The following USP8 variants were observed in gnomAD, a reference collection of about 807,000 sequenced individuals.
USP8 encodes ubiquitin specific peptidase 8.
In USP8, 27 loss-of-function variants were observed where a neutral mutation model predicts 130.0. The observed-to-expected ratio is 0.21, with a 90% CI of 0.15 to 0.29. USP8 has a LOEUF of 0.29. Among genes scored for constraint, USP8 ranks in the 10% least tolerant of loss-of-function variants. USP8 has a pLI of 1.00. For missense variants in USP8, 1,029 were observed against 1,312.2 expected (o/e 0.78, Z 3.33); for synonymous variants, 392 against 444.1 (o/e 0.88, Z 1.48).
At chr15:50,434,951 T>C (rs188363323) in intron 1 of USP8, among the ~76,000 whole-genome samples, 2 of 152,332 alleles carry the variant, frequency 1.3e-5, no homozygotes, top group East Asian at 3.9e-4. Flanking sequence ...TTGTATCTTA[T>C]GGTTTGTCCT....
At chr15:50,494,522 C>T (rs1013320266) in intron 16 of USP8, among the ~76,000 whole-genome samples, 6 of 152,070 alleles carry the variant, frequency 3.9e-5, no homozygotes, top group African/African-American at 1.4e-4. Context: ...TAGTTATTGG[C>T]GTTTGTGACC....
At chr15:50,431,165 C>CTGTGTGTGTGTGTG (rs56771450) in intron 1 of USP8, among the ~76,000 whole-genome samples, 7,461 of 140,874 alleles carry the variant, frequency 0.053, 471 homozygotes, top group African/African-American at 0.15. Context: ...GTGTGTGCCT[C>CTGTGTGTGTGTGTG]TGTGTGTGTG....
intron 12 of USP8, among the ~76,000 whole-genome samples, chr15:50,486,013 G>A (rs530498198): frequency 6.6e-6 from 1 of 151,884 alleles, no homozygotes; most frequent in Non-Finnish European, 1.5e-5. Flanking sequence ...TTCAATCTGT[G>A]GATGGTTGAA....
chr15:50,450,607 T>A (rs377586276), intron 4 of USP8, among the ~76,000 whole-genome samples: 12 of 151,890 alleles, frequency 7.9e-5, no homozygotes, highest in East Asian at 7.8e-4. Context: ...GAGTAGCTGG[T>A]ATTACAGGCA....
At position 50,489,840 on chromosome 15, in the gene USP8, A is replaced by G; in HGVS notation, c.1930A>G (p.Met644Val). 6.3e-7 allele frequency: 1 copy of G among 1,578,668 alleles called. No homozygotes were observed. Among genetic ancestry groups the G allele is most frequent in the Non-Finnish European group, 8.6e-7 (1 of 1,162,644 alleles). ...TTTGACAAGAGCACGAAGTGAAGAA[A>G]TGGGGAGGATCGTACCAGGACTGCC... ...EPLTRARSEE[M>V]GRIVPGLPSG... Residue 644 changes from methionine (M) to valine (V), a missense_variant, in exon 13 of 20, where the codon ATG becomes GTG. Met to Val is a conservative substitution (Grantham distance 21, BLOSUM62 1). Around this residue, in one of 4 missense-constraint regions of USP8, gnomAD observed 486 missense variants for 522.0 expected, o/e 0.93. Transcript: ENST00000307179.
At chr15:50,497,634 C>T (rs2052469257) in intron 18 of USP8, 2 of 152,408 alleles carry the variant, frequency 1.3e-5, no homozygotes, top group Admixed American at 6.6e-5. Context: ...AATATGTTAA[C>T]GATACCATTA....
In USP8 at chr15:50,481,761, A is replaced by T; in HGVS notation, c.1499A>T (p.Glu500Val). Residue 500 changes from glutamate to valine, a missense_variant, in exon 11 of 20, where the codon GAA (glutamate) becomes GTA (valine). Transcript: ENST00000307179. ...GAGAAACTGAGGAAGGAAGAACAAG[A>T]ACAAAAAGCCAAAAAGAAACAAGAA... Reference protein sequence around the residue: ...QKEKLRKEEQEQKAKKKQEAE... With the variant: ...QKEKLRKEEQVQKAKKKQEAE... 6.3e-7 allele frequency: 1 copy of T among 1,582,618 alleles called. No homozygotes were observed. Among genetic ancestry groups the T allele is most frequent in the Non-Finnish European group, 8.6e-7 (1 of 1,166,894 alleles).
chr15:50,450,462 C>CTTTTTTTTTTTTTTTTTTT lies in USP8; in HGVS notation c.335+983_335+1001dup, dbSNP rs35800074. Among the ~76,000 whole-genome samples, 8 of 80,456 alleles carry CTTTTTTTTTTTTTTTTTTT rather than the reference C, an allele frequency of 9.9e-5. No homozygotes were observed. In the East Asian group the frequency reaches 1.1e-3, roughly 12 times the overall value. 52.8% of individuals were successfully genotyped at this position (80,456 alleles called of 152,430 possible). A position where few individuals can be genotyped will look rare whatever the true frequency, so the allele number is the denominator to read the frequency against. On this transcript the variant is annotated intron_variant, in intron 4 of 19. Coordinates refer to ENST00000307179, the MANE Select transcript of USP8 (RefSeq NM_005154.5). Reference sequence around the variant, plus strand: ...TTTCAGTTTTTAGTCGTTAGTCATTCTTTTTTTTTTTTTTTTTTTTTTTTG... The same window carrying CTTTTTTTTTTTTTTTTTTT: ...TTTCAGTTTTTAGTCGTTAGTCATTCTTTTTTTTTTTTTTTTTTTTTTTTTTTTTTTTTTTTTTTTTTTG...
At chr15:50,484,874 A>G (rs2051900292) in intron 12 of USP8, among the ~76,000 whole-genome samples, 1 of 152,252 alleles carries the variant, frequency 6.6e-6, no homozygotes, top group African/African-American at 2.4e-5. Context: ...GCTAAGTGAA[A>G]TAAGCCAGTT....
At chr15:50,431,008 C>G (rs1010186948) in intron 1 of USP8, among the ~76,000 whole-genome samples, 6 of 152,198 alleles carry the variant, frequency 3.9e-5, no homozygotes, top group African/African-American at 1.4e-4. Flanking sequence ...TTGCACAGAG[C>G]AGCCTCTCAC....
chr15:50,506,739 C>T lies in USP8; in HGVS notation c.*7651C>T, dbSNP rs1202479857. On this transcript the variant is annotated 3_prime_UTR_variant, in exon 20 of 20. Coordinates refer to ENST00000307179, the MANE Select transcript of USP8 (RefSeq NM_005154.5). ...CTTGGGGAGGCCGAGGGGGGCGGAT[C>T]ACGAGGTCAGGAGATCAAGACTATC... is the stretch of plus-strand genomic sequence containing the variant. 1 of 151,994 alleles carries T rather than the reference C, an allele frequency of 6.6e-6. No individual in the cohort carries two copies. The highest frequency in any genetic ancestry group is 1.9e-4 in the East Asian group (1 of 5,198). The allele number at this position is 151,994 out of a possible 1,614,324, so 9.4% of individuals were successfully genotyped here.
chr15:50,470,583 G>A (rs1382580300), intron 7 of USP8, among the ~76,000 whole-genome samples: 1 of 151,508 alleles, frequency 6.6e-6, no homozygotes, highest in East Asian at 1.9e-4. Context: ...TCTGTGGCAG[G>A]CCATTGTGAG....
chr15:50,457,860 C>CA (rs200645587), intron 4 of USP8, among the ~76,000 whole-genome samples: 27,784 of 85,476 alleles, frequency 0.33, 3,172 homozygotes, highest in East Asian at 0.51. Context: ...GACTCTGTCT[C>CA]AAAAAAAAAA....
chr15:50,433,387 G>A (rs2049989511), intron 1 of USP8, among the ~76,000 whole-genome samples: 1 of 152,196 alleles, frequency 6.6e-6, no homozygotes, highest in Non-Finnish European at 1.5e-5. Context: ...GAGATGGTGG[G>A]TGACCAACAA....
intron 7 of USP8, among the ~76,000 whole-genome samples, chr15:50,471,276 A>G (rs2051366645): frequency 6.6e-6 from 1 of 152,218 alleles, no homozygotes; most frequent in Non-Finnish European, 1.5e-5. Flanking sequence ...TATGAATAAT[A>G]CTACCCAGGT....
chr15:50,460,092 G>A (rs2050937002), intron 5 of USP8, among the ~76,000 whole-genome samples: 1 of 142,130 alleles, frequency 7.0e-6, no homozygotes, highest in Admixed American at 7.7e-5. Context: ...CTGCCTCCCA[G>A]GTTCAAGCGA....
intron 7 of USP8, 79 bp downstream of exon 7, chr15:50,465,270 A>T (rs2141285248): frequency 6.9e-7 from 1 of 1,447,286 alleles, no homozygotes; most frequent in Non-Finnish European, 9.2e-7. Flanking sequence ...ACTACTTAGC[A>T]TCCAAGCTAA....
chr15:50,460,586 G>C (rs1209752237), intron 5 of USP8, among the ~76,000 whole-genome samples: 1 of 151,854 alleles, frequency 6.6e-6, no homozygotes, highest in Non-Finnish European at 1.5e-5. Flanking sequence ...TGGGATTATA[G>C]GAGTGAGCCA....
intron 7 of USP8, 78 bp from the exon 8 acceptor site, chr15:50,471,555 C>T (rs566681692): frequency 8.7e-4 from 1,313 of 1,511,390 alleles, no homozygotes; most frequent in Non-Finnish European, 1.1e-3. Flanking sequence ...GACTGTGGAA[C>T]AAAACTGAGT....
Sources: allele counts gnomAD v4.1 joint callset (sites outside exome capture counted in the v4.1 genomes callset), GRCh38; gene constraint gnomAD v4.1.1; regional missense constraint gnomAD v4.1.1; transcripts MANE v1.5; gene names NCBI Gene and HGNC (gene_info 2026-07-23, HGNC 2026-07-21).